Variants in TBC1D22A observed in about 807,000 individuals in gnomAD.
TBC1D22A encodes the protein putative GTPase activator.
Under a neutral mutation model 60.2 loss-of-function variants are expected in TBC1D22A, and 38 were observed. That is an observed-to-expected ratio of 0.63 (90% CI 0.49 to 0.83). TBC1D22A has a LOEUF of 0.83. Among genes scored for constraint, TBC1D22A ranks in the 40% least tolerant of loss-of-function variants. TBC1D22A has a pLI of 0.00. For missense variants in TBC1D22A, 628 were observed against 701.0 expected (o/e 0.90, Z 1.18); for synonymous variants, 302 against 281.7 (o/e 1.07, Z -0.72).
chr22:47,110,208 G>A (rs1054715983), intron 11 of TBC1D22A, among the ~76,000 whole-genome samples: 4 of 152,254 alleles, frequency 2.6e-5, no homozygotes, highest in South Asian at 2.1e-4. Flanking sequence ...GGCCAGGCAC[G>A]GTGGCTCACA....
intron 11 of TBC1D22A, among the ~76,000 whole-genome samples, chr22:47,045,262 G>A (rs899824850): frequency 1.3e-5 from 2 of 152,162 alleles, no homozygotes; most frequent in African/African-American, 2.4e-5. Context: ...ACTGTCCCTC[G>A]GACTCTGCGG....
intron 12 of TBC1D22A, among the ~76,000 whole-genome samples, chr22:47,122,787 G>A (rs1197768550): frequency 1.3e-5 from 2 of 152,208 alleles, no homozygotes; most frequent in Non-Finnish European, 2.9e-5. Flanking sequence ...CTCCTCACCC[G>A]TCCCCTGGCC....
At chr22:46,902,798 G>A (rs556985720) in intron 7 of TBC1D22A, among the ~76,000 whole-genome samples, 2 of 150,452 alleles carry the variant, frequency 1.3e-5, no homozygotes, top group Non-Finnish European at 2.9e-5. Context: ...GACACCCGGT[G>A]GGCACGTGGG....
At chr22:47,166,023 A>G (rs1456568093) in intron 12 of TBC1D22A, among the ~76,000 whole-genome samples, 1 of 152,238 alleles carries the variant, frequency 6.6e-6, no homozygotes, top group Non-Finnish European at 1.5e-5. Flanking sequence ...TTTTAGCCCC[A>G]TCGTGATTAA....
At chr22:47,162,498 G>A (rs1352357685) in intron 12 of TBC1D22A, among the ~76,000 whole-genome samples, 2 of 152,136 alleles carry the variant, frequency 1.3e-5, no homozygotes, top group Non-Finnish European at 1.5e-5. Context: ...CATTGGCCTC[G>A]GCAGCTTCGA....
At chr22:47,113,162 C>T (rs375340151) in intron 12 of TBC1D22A, among the ~76,000 whole-genome samples, 3 of 152,336 alleles carry the variant, frequency 2.0e-5, no homozygotes, top group African/African-American at 7.2e-5. Context: ...AGCGGCCACT[C>T]CTGGTAGGAC....
intron 3 of TBC1D22A, among the ~76,000 whole-genome samples, chr22:46,796,488 C>T (rs1216512620): frequency 6.6e-6 from 1 of 152,110 alleles, no homozygotes; most frequent in Non-Finnish European, 1.5e-5. Context: ...TTTCACTCTA[C>T]TTTAATTTTC....
At chr22:47,146,172 C>T (rs898696603) in intron 12 of TBC1D22A, among the ~76,000 whole-genome samples, 9 of 152,072 alleles carry the variant, frequency 5.9e-5, no homozygotes, top group South Asian at 2.1e-4. Flanking sequence ...CTGGGGGCCG[C>T]GGCGCGGGGA....
At chr22:47,125,906 A>G (rs1569461049) in intron 12 of TBC1D22A, among the ~76,000 whole-genome samples, 1 of 152,226 alleles carries the variant, frequency 6.6e-6, no homozygotes, top group Non-Finnish European at 1.5e-5. Flanking sequence ...TGGTGTCCAG[A>G]TAGTCAGTTG....
intron 10 of TBC1D22A, among the ~76,000 whole-genome samples, chr22:47,033,157 C>G (rs1175627733): frequency 6.6e-6 from 1 of 152,224 alleles, no homozygotes; most frequent in African/African-American, 2.4e-5. Context: ...GCAGCAGAGT[C>G]TGGTAGCAGC....
chr22:47,154,710 C>T (rs981638078), intron 12 of TBC1D22A, among the ~76,000 whole-genome samples: 6 of 152,212 alleles, frequency 3.9e-5, no homozygotes, highest in African/African-American at 7.2e-5. Flanking sequence ...GGAGTGATGG[C>T]GGCTGCTCTG....
chr22:46,807,217 CCTT>C (rs1400952866), intron 4 of TBC1D22A, among the ~76,000 whole-genome samples: 2 of 139,122 alleles, frequency 1.4e-5, no homozygotes, highest in Non-Finnish European at 3.2e-5. Flanking sequence ...GGATTGTTCT[CCTT>C]CTTTAGAATT....
intron 8 of TBC1D22A, among the ~76,000 whole-genome samples, chr22:46,928,662 A>G (rs1303257422): frequency 1.3e-5 from 2 of 152,272 alleles, no homozygotes; most frequent in Admixed American, 1.3e-4. Flanking sequence ...TGCAAATCAT[A>G]TATCTGAAAA....
chr22:47,102,099 C>T (rs575469550), intron 11 of TBC1D22A, among the ~76,000 whole-genome samples: 6 of 152,336 alleles, frequency 3.9e-5, no homozygotes, highest in African/African-American at 7.2e-5. Flanking sequence ...CCCCACTTGC[C>T]GTTGCTGCAG....
intron 1 of TBC1D22A, among the ~76,000 whole-genome samples, chr22:46,767,860 C>T (rs931508247): frequency 2.6e-5 from 4 of 151,562 alleles, no homozygotes; most frequent in South Asian, 2.1e-4. Context: ...TGGGTCTGGC[C>T]GAGAGAAGGG....
chr22:46,811,988 A>G (rs1382464499), intron 4 of TBC1D22A, among the ~76,000 whole-genome samples: 1 of 151,932 alleles, frequency 6.6e-6, no homozygotes, highest in Admixed American at 6.6e-5. Flanking sequence ...CTACCAGTAA[A>G]ATCAAGGAAT....
At chr22:46,827,915 G>A (rs987209267) in intron 4 of TBC1D22A, among the ~76,000 whole-genome samples, 10 of 152,200 alleles carry the variant, frequency 6.6e-5, no homozygotes, top group African/African-American at 1.7e-4. Flanking sequence ...CTCTTTGTGC[G>A]GATATATGGC....
chr22:46,979,744 G>T (rs149381271), intron 9 of TBC1D22A, among the ~76,000 whole-genome samples: 1 of 152,178 alleles, frequency 6.6e-6, no homozygotes, highest in South Asian at 2.1e-4. Flanking sequence ...CAGCATGCCC[G>T]CAATTTTACC....
chr22:47,068,098 T>C (rs1222013680), intron 11 of TBC1D22A, among the ~76,000 whole-genome samples: 4 of 152,264 alleles, frequency 2.6e-5, no homozygotes, highest in Admixed American at 2.6e-4. Context: ...CTCCCCTGTC[T>C]GGCCACGGGC....
Sources: allele counts gnomAD v4.1 joint callset (sites outside exome capture counted in the v4.1 genomes callset), GRCh38; gene constraint gnomAD v4.1.1; transcripts MANE v1.5; gene names NCBI Gene and HGNC (gene_info 2026-07-23, HGNC 2026-07-21).